Variants in MCPH1 observed in about 807,000 individuals in gnomAD.
The protein encoded by MCPH1 is microcephalin 1.
Under a neutral mutation model 84.5 loss-of-function variants are expected in MCPH1, and 104 were observed. The observed-to-expected ratio is 1.23, with a 90% CI of 1.05 to 1.45. MCPH1 has a LOEUF of 1.45. MCPH1 is among the 40% of genes most tolerant of loss of function. The pLI, the probability that MCPH1 is intolerant of heterozygous loss-of-function variation, is 0.00. For synonymous variants in MCPH1, 514 were observed against 366.8 expected (o/e 1.40, Z -4.58); for missense variants, 1,498 against 1,005.7 (o/e 1.49, Z -6.62).
At chr8:6,414,495 C>T (rs1798976430) in intron 2 of MCPH1, among the ~76,000 whole-genome samples, 2 of 152,170 alleles carry the variant, frequency 1.3e-5, no homozygotes, top group South Asian at 2.1e-4. Flanking sequence ...CACATTTTCT[C>T]TTCTGTCCTC....
In MCPH1 at chr8:6,521,544, C is replaced by G. The variant is rs184043550; in HGVS notation, c.2214+21615C>G. 14 of 670,840 alleles carry G rather than the reference C, an allele frequency of 2.1e-5. No homozygotes were observed. In the African/African-American group the frequency reaches 2.4e-4, roughly 11 times the overall value. The allele number at this position is 670,840 out of a possible 1,614,324, so 41.6% of individuals were successfully genotyped here. The stretch of plus-strand genomic sequence containing the variant: ...ATAAAGTAATATGATGTTACCAGAG[C>G]CCTAAGGAATCTCTGAAACTTGCTG... On this transcript the variant is annotated intron_variant, in intron 12 of 13. Transcript: ENST00000344683.
intron 12 of MCPH1, among the ~76,000 whole-genome samples, chr8:6,504,349 C>G (rs976199718): frequency 6.9e-6 from 1 of 145,488 alleles, no homozygotes; most frequent in Non-Finnish European, 1.5e-5. Context: ...AATGTATAAA[C>G]CTTAAATTGC....
intron 13 of MCPH1, among the ~76,000 whole-genome samples, chr8:6,622,648 G>C (rs1438751664): frequency 6.6e-6 from 1 of 152,158 alleles, no homozygotes; most frequent in Non-Finnish European, 1.5e-5. Flanking sequence ...TCTAAGATGG[G>C]GTATCGGCAG....
intron 8 of MCPH1, 96 bp from the exon 9 acceptor site, chr8:6,455,047 C>T (rs1282446937): frequency 1.1e-6 from 1 of 905,288 alleles, no homozygotes; most frequent in African/African-American, 1.6e-5. Flanking sequence ...CTATAACTTC[C>T]TGTTTCCATT....
chr8:6,496,521 C>T (rs540814822), intron 11 of MCPH1, among the ~76,000 whole-genome samples: 12 of 151,700 alleles, frequency 7.9e-5, no homozygotes, highest in Non-Finnish European at 1.5e-4. Context: ...ACGGAAGCCC[C>T]CCCGCCCCCC....
intron 12 of MCPH1, chr8:6,520,085 C>G (rs1817026969): frequency 7.0e-7 from 1 of 1,433,768 alleles, no homozygotes; most frequent in Non-Finnish European, 9.4e-7. Flanking sequence ...AGTTTTATTA[C>G]TTTGGAATTC....
chr8:6,496,010 G>A (rs1811181495), intron 11 of MCPH1, among the ~76,000 whole-genome samples: 1 of 152,096 alleles, frequency 6.6e-6, no homozygotes, highest in Non-Finnish European at 1.5e-5. Context: ...GGGTTGGGAG[G>A]GTGAGGGAGG....
At chr8:6,617,937 A>ATCTG (rs1831015520) in intron 12 of MCPH1, among the ~76,000 whole-genome samples, 2 of 151,222 alleles carry the variant, frequency 1.3e-5, no homozygotes, top group South Asian at 4.2e-4. Flanking sequence ...CTATCTATCT[A>ATCTG]TCTATCTTTC....
intron 13 of MCPH1, among the ~76,000 whole-genome samples, chr8:6,642,259 A>T (rs1797983373): frequency 6.6e-6 from 1 of 152,026 alleles, no homozygotes. Flanking sequence ...AGTGGATTTC[A>T]TTCCTTTTTT....
intron 5 of MCPH1, among the ~76,000 whole-genome samples, chr8:6,436,548 C>A (rs1037539879): frequency 4.6e-5 from 7 of 151,890 alleles, no homozygotes; most frequent in African/African-American, 1.5e-4. Flanking sequence ...ATAGGCAAAT[C>A]TTAGATGATA....
chr8:6,572,528 C>T (rs1826744427), intron 12 of MCPH1, among the ~76,000 whole-genome samples: 1 of 152,154 alleles, frequency 6.6e-6, no homozygotes, highest in Non-Finnish European at 1.5e-5. Flanking sequence ...AGCTACAATG[C>T]TTTCATTTTA....
intron 12 of MCPH1, among the ~76,000 whole-genome samples, chr8:6,504,810 G>C (rs1271259736): frequency 3.9e-5 from 6 of 152,258 alleles, no homozygotes; most frequent in African/African-American, 2.4e-5. Context: ...AACTTTGTAA[G>C]TATGTGTGAA....
intron 12 of MCPH1, chr8:6,532,540 G>T: frequency 5.2e-6 from 7 of 1,356,798 alleles, no homozygotes; most frequent in Non-Finnish European, 5.9e-6. Flanking sequence ...CCGGAAACCT[G>T]ATTCCTAAAT....
chr8:6,546,590 A>G (rs1822616391), intron 12 of MCPH1, among the ~76,000 whole-genome samples: 1 of 152,218 alleles, frequency 6.6e-6, no homozygotes, highest in Non-Finnish European at 1.5e-5. Flanking sequence ...AATAGCTACT[A>G]AATTGTCAGA....
chr8:6,535,880 C>G (rs1297226592), intron 12 of MCPH1, among the ~76,000 whole-genome samples: 1 of 143,130 alleles, frequency 7.0e-6, no homozygotes, highest in East Asian at 2.0e-4. Context: ...AAACCCATCT[C>G]TACAAAAAAT....
At chr8:6,409,712 T>G (rs1173632623) in intron 2 of MCPH1, among the ~76,000 whole-genome samples, 1 of 152,122 alleles carries the variant, frequency 6.6e-6, no homozygotes, top group East Asian at 1.9e-4. Context: ...GAAAAATATC[T>G]GTTAGATATT....
At chr8:6,468,675 G>GA (rs957284241) in intron 9 of MCPH1, among the ~76,000 whole-genome samples, 5 of 142,758 alleles carry the variant, frequency 3.5e-5, no homozygotes, top group Non-Finnish European at 7.6e-5. Context: ...ATGAAAATTA[G>GA]AAAAAATATT....
intron 12 of MCPH1, among the ~76,000 whole-genome samples, chr8:6,518,773 T>C (rs563458304): frequency 1.3e-5 from 2 of 152,336 alleles, no homozygotes; most frequent in South Asian, 4.1e-4. Context: ...TACATTTATA[T>C]GCAAACATAT....
Position 6,562,922 on chromosome 8 carries a change from C to A in MCPH1, c.2215-58532C>A. The A allele has an allele frequency of 1.9e-6, 3 of 1,588,200 alleles. No homozygotes were observed. In the South Asian group the frequency reaches 3.4e-5, roughly 18 times the overall value. On this transcript the variant is annotated intron_variant, in intron 12 of 13. Coordinates refer to ENST00000344683, the MANE Select transcript of MCPH1 (RefSeq NM_024596.5). The stretch of plus-strand genomic sequence containing the variant: ...AGATCACAGCTCAGAGTAAAGAAAA[C>A]AATCTGCCACATTCTTTCTTCAGTA...
Sources: gnomAD v4.1 joint callset for allele counts (sites outside exome capture counted in the v4.1 genomes callset) on GRCh38, gnomAD v4.1.1 for gene constraint, MANE v1.5 for transcripts, NCBI Gene and HGNC (gene_info 2026-07-23, HGNC 2026-07-21) for gene names.